Variants in FIG4 observed in about 807,000 individuals in gnomAD.
The protein encoded by FIG4 is polyphosphoinositide phosphatase.
Under a neutral mutation model 118.6 loss-of-function variants are expected in FIG4, and 112 were observed. That is an observed-to-expected ratio of 0.94 (90% CI 0.81 to 1.11). The LOEUF (loss-of-function observed/expected upper bound fraction) is 1.11, where lower values mean the gene tolerates loss of function less well. Ranked by LOEUF, FIG4 falls within the 50% of genes least tolerant of loss-of-function variation. FIG4 has a pLI of 0.00. For synonymous variants in FIG4, 369 were observed against 381.2 expected (o/e 0.97, Z 0.37); for missense variants, 969 against 1,111.7 (o/e 0.87, Z 1.83).
intron 15 of FIG4, among the ~76,000 whole-genome samples, chr6:109,772,564 C>T (rs1777499974): frequency 6.6e-6 from 1 of 152,148 alleles, no homozygotes; most frequent in African/African-American, 2.4e-5. Flanking sequence ...TCAAGAGACT[C>T]CCCTGCCTCA....
chr6:109,713,944 C>T (rs1290455463), intron 1 of FIG4, among the ~76,000 whole-genome samples: 1 of 152,120 alleles, frequency 6.6e-6, no homozygotes, highest in East Asian at 1.9e-4. Flanking sequence ...TGGGCAAGAG[C>T]GCCCTGCAGA....
intron 10 of FIG4, among the ~76,000 whole-genome samples, chr6:109,756,579 A>T (rs533414158): frequency 1.8e-4 from 27 of 152,332 alleles, no homozygotes; most frequent in Non-Finnish European, 2.6e-4. Flanking sequence ...TACACCAATC[A>T]GAGCAGATTT....
At chr6:109,745,818 A>G (rs1259129768) in intron 10 of FIG4, among the ~76,000 whole-genome samples, 4 of 152,072 alleles carry the variant, frequency 2.6e-5, no homozygotes, top group Admixed American at 1.3e-4. Context: ...ATTTTTGTAT[A>G]AGGTGTAAGG....
chr6:109,763,142 A>G (rs1228331263), intron 12 of FIG4, among the ~76,000 whole-genome samples: 1 of 152,234 alleles, frequency 6.6e-6, no homozygotes, highest in Non-Finnish European at 1.5e-5. Flanking sequence ...CCTGACATAT[A>G]CCAAAATTCT....
intron 16 of FIG4, among the ~76,000 whole-genome samples, chr6:109,777,344 G>C (rs1054953149): frequency 6.6e-6 from 1 of 152,090 alleles, no homozygotes; most frequent in African/African-American, 2.4e-5. Context: ...CATGAGTTCC[G>C]TACTATTGAT....
At chr6:109,751,338 G>A (rs143653649) in intron 10 of FIG4, among the ~76,000 whole-genome samples, 3,742 of 152,148 alleles carry the variant, frequency 0.025, 69 homozygotes, top group South Asian at 0.057. Flanking sequence ...GAGGATTTTC[G>A]CCTCGATGTT....
At chr6:109,800,045 A>C (rs1778388628) in intron 22 of FIG4, among the ~76,000 whole-genome samples, 2 of 152,224 alleles carry the variant, frequency 1.3e-5, no homozygotes. Flanking sequence ...TATAAAGTAC[A>C]TCTTATTATC....
At chr6:109,702,421 A>C (rs1486454542) in intron 1 of FIG4, among the ~76,000 whole-genome samples, 3 of 152,240 alleles carry the variant, frequency 2.0e-5, no homozygotes, top group African/African-American at 7.2e-5. Flanking sequence ...GAAGAGAGCC[A>C]GCTTAGCTCA....
rs112790444 is a variant in FIG4, at chr6:109,735,063, T to C, written c.498-87T>C. ...AGTAATAGGTGCTAAGTAATTTAGT[T>C]CACAGATTTTAATTCTATATGGGCG... On this transcript the variant is annotated intron_variant, in intron 5 of 22. Transcript: ENST00000230124. 1,602 of 1,138,604 alleles carry C rather than the reference T, an allele frequency of 1.4e-3. 22 individuals are homozygous for C. The African/African-American group carries it at 0.022, about 15-fold the overall frequency. The allele number at this position is 1,138,604 out of a possible 1,614,324, so 70.5% of individuals were successfully genotyped here. A position where few individuals can be genotyped will look rare whatever the true frequency, so the allele number is the denominator to read the frequency against.
intron 5 of FIG4, among the ~76,000 whole-genome samples, chr6:109,733,356 G>A (rs1024277304): frequency 3.3e-5 from 5 of 152,150 alleles, no homozygotes; most frequent in East Asian, 3.9e-4. Context: ...TACTACCATT[G>A]ACGTGACCAG....
At chr6:109,757,525 T>C (rs1239798761) in intron 10 of FIG4, among the ~76,000 whole-genome samples, 1 of 152,210 alleles carries the variant, frequency 6.6e-6, no homozygotes, top group Non-Finnish European at 1.5e-5. Flanking sequence ...GGGCAAAAGC[T>C]GGAAGCATTC....
intron 10 of FIG4, among the ~76,000 whole-genome samples, chr6:109,748,392 C>A (rs1776572661): frequency 6.6e-6 from 1 of 152,048 alleles, no homozygotes; most frequent in Non-Finnish European, 1.5e-5. Flanking sequence ...AAGGACAGGG[C>A]TTAAAGAACA....
Position 109,691,498 on chromosome 6 carries a change from A to G in FIG4, c.63A>G (p.Arg21=), listed in dbSNP as rs775137642. The G allele has an allele frequency of 6.3e-7, 1 of 1,578,364 alleles. No homozygotes were observed. Among genetic ancestry groups the G allele is most frequent in the Non-Finnish European group, 8.6e-7 (1 of 1,161,658 alleles). The change falls in exon 1 of 23, where the codon AGA becomes AGG. Residue 21 remains arginine, a synonymous_variant. Transcript: ENST00000230124. ...SVQKLVLYET[R]ARYFLVGSNN... is the part of the protein sequence containing the mutation. ...AGAAGCTGGTTCTGTATGAGACTAG[A>G]GCTGTGAGTACCCCCTCGCGGCGGG...
chr6:109,701,998 C>T (rs939293498), intron 1 of FIG4, among the ~76,000 whole-genome samples: 1 of 152,202 alleles, frequency 6.6e-6, no homozygotes, highest in Non-Finnish European at 1.5e-5. Flanking sequence ...CTCACTTCCC[C>T]CTTCTGGGCG....
Position 109,692,696 on chromosome 6 carries a change from C to CT in FIG4, c.66+1207dup, listed in dbSNP as rs879426050. On this transcript the variant is annotated intron_variant, in intron 1 of 22. Transcript: ENST00000230124. ...TTTCCCTCATTAGAAACATAAATAACTTTTTTTTTTTTCCCTTTGAGACAG... is the reference window on the plus strand; with the variant it reads ...TTTCCCTCATTAGAAACATAAATAACTTTTTTTTTTTTTCCCTTTGAGACAG... 1.3e-3 allele frequency among the ~76,000 whole-genome samples: 184 copies of CT among 147,158 alleles called. 1 individual carries two copies. Among genetic ancestry groups the CT allele is most frequent in the African/African-American group, 3.5e-3 (140 of 40,202 alleles).
At chr6:109,710,877 C>G (rs779739295) in intron 1 of FIG4, among the ~76,000 whole-genome samples, 5 of 150,818 alleles carry the variant, frequency 3.3e-5, no homozygotes, top group Non-Finnish European at 1.5e-5. Flanking sequence ...CTTTACTAGT[C>G]TAGCCTCCGG....
intron 1 of FIG4, among the ~76,000 whole-genome samples, chr6:109,692,028 G>T (rs1774463307): frequency 6.6e-6 from 1 of 152,148 alleles, no homozygotes; most frequent in South Asian, 2.1e-4. Context: ...TTTGTTTAAA[G>T]ACAGATAATT....
chr6:109,776,797 T>C (rs1037281717), intron 15 of FIG4, 125 bp from the exon 16 acceptor site: 5 of 751,792 alleles, frequency 6.7e-6, no homozygotes, highest in Non-Finnish European at 1.1e-5. Context: ...GTATGAAGTA[T>C]TTGTATTTGT....
At chr6:109,732,339 G>A (rs555027648) in intron 4 of FIG4, among the ~76,000 whole-genome samples, 2 of 152,154 alleles carry the variant, frequency 1.3e-5, no homozygotes, top group African/African-American at 2.4e-5. Context: ...AGCAAAAACA[G>A]CATTTACTTC....
Sources: allele counts gnomAD v4.1 joint callset (sites outside exome capture counted in the v4.1 genomes callset), GRCh38; gene constraint gnomAD v4.1.1; transcripts MANE v1.5; gene names NCBI Gene and HGNC (gene_info 2026-07-23, HGNC 2026-07-21).